Variants in TVP23A observed in about 807,000 individuals in gnomAD.
TVP23A encodes the protein trans-golgi network vesicle protein 23 homolog A.
Under a neutral mutation model 31.7 loss-of-function variants are expected in TVP23A, and 21 were observed. That is an observed-to-expected ratio of 0.66 (90% CI 0.47 to 0.95). The LOEUF is 0.95. TVP23A is among the 40% of genes least tolerant of loss of function. TVP23A has a pLI of 0.00. For missense variants in TVP23A, 279 were observed against 255.6 expected (o/e 1.09, Z -0.62); for synonymous variants, 104 against 96.0 (o/e 1.08, Z -0.49).
rs562449906 is a variant in TVP23A, at chr16:10,785,040, T to C, written c.90-9944A>G. Among the ~76,000 whole-genome samples, 9 of 149,494 alleles carry C rather than the reference T, an allele frequency of 6.0e-5. No homozygotes were observed. In the South Asian group the frequency reaches 1.9e-3, roughly 31 times the overall value. On this transcript the variant is annotated intron_variant, in intron 2 of 7. Coordinates refer to ENST00000299866, the MANE Select transcript of TVP23A (RefSeq NM_001079512.4). ...TGAATCCGGGAGGCGGTGGTTGCAG[T>C]GTGCTGAGATCACAACACTACACTC... is the stretch of plus-strand genomic sequence containing the variant.
At chr16:10,787,290 G>A (rs1378308969) in intron 2 of TVP23A, among the ~76,000 whole-genome samples, 1 of 152,176 alleles carries the variant, frequency 6.6e-6, no homozygotes, top group Admixed American at 6.6e-5. Context: ...ATGAAAAGCA[G>A]CCCCAAAATT....
chr16:10,771,805 TCAGA>T lies in TVP23A; in HGVS notation c.454-11_454-8del. On this transcript the variant is annotated splice_region_variant and splice_polypyrimidine_tract_variant and intron_variant, in intron 5 of 7. Transcript: ENST00000299866. Reference sequence around the variant, plus strand: ...TCCCAGCAACCACCAGAGCCTGCACTCAGACAAAGAAAGCAAAGGTCACTTTTTT... The same window carrying T: ...TCCCAGCAACCACCAGAGCCTGCACTCAAAGAAAGCAAAGGTCACTTTTTT... 1.3e-6 allele frequency: 2 copies of T among 1,563,732 alleles called. No homozygotes were observed. The highest frequency in any genetic ancestry group is 1.7e-6 in the Non-Finnish European group (2 of 1,153,556).
At position 10,777,985 on chromosome 16, in the gene TVP23A, T is replaced by G. The variant is rs982830829; in HGVS notation, c.90-2889A>C. Among the ~76,000 whole-genome samples, 1 of 151,646 alleles carries G rather than the reference T, an allele frequency of 6.6e-6. No homozygotes were observed. The highest frequency in any genetic ancestry group is 2.4e-5 in the African/African-American group (1 of 41,282). ...GAGATCGTACTACTGCACTCCAGCC[T>G]GGTGACAGAGCGAGACTCCGTCTCA... On this transcript the variant is annotated intron_variant, in intron 2 of 7. Coordinates refer to ENST00000299866, the MANE Select transcript of TVP23A (RefSeq NM_001079512.4). The surrounding 1 kb of genome is among the most constrained non-coding windows in gnomAD (Gnocchi z 4.5).
intron 2 of TVP23A, among the ~76,000 whole-genome samples, chr16:10,793,901 C>CAA (rs61392688): frequency 0.021 from 820 of 39,266 alleles, 65 homozygotes; most frequent in Non-Finnish European, 0.025. Context: ...CCTGTCTCAC[C>CAA]AAAAAAAAAA....
intron 2 of TVP23A, among the ~76,000 whole-genome samples, chr16:10,789,976 G>C (rs888152683): frequency 2.6e-5 from 4 of 152,174 alleles, no homozygotes; most frequent in African/African-American, 4.8e-5. Context: ...ACAATTGGTT[G>C]AGTCTAAAGA....
intron 2 of TVP23A, among the ~76,000 whole-genome samples, chr16:10,793,604 ATATT>A (rs1332222078): frequency 6.6e-6 from 1 of 152,232 alleles, no homozygotes. Flanking sequence ...AACAACAGAA[ATATT>A]TATTTGGCTA....
At position 10,769,011 on chromosome 16, in the gene TVP23A, C is replaced by G; in HGVS notation, c.*91G>C. ...ACAGGGCTGTCAAGGGGTAGACAAG[C>G]CATTAGCACTCTATGCCTGTCGTCT... On this transcript the variant is annotated 3_prime_UTR_variant, in exon 8 of 8. Transcript: ENST00000299866. The G allele has an allele frequency of 6.2e-7, 1 of 1,602,010 alleles. No individual in the cohort carries two copies. The highest frequency in any genetic ancestry group is 8.6e-7 in the Non-Finnish European group (1 of 1,169,062).
intron 2 of TVP23A, among the ~76,000 whole-genome samples, chr16:10,813,999 C>CA (rs201277067): frequency 0.23 from 11,154 of 48,798 alleles, 2,517 homozygotes; most frequent in Non-Finnish European, 0.41. Context: ...AACTCCATCT[C>CA]AAAAAAAAAA....
intron 2 of TVP23A, among the ~76,000 whole-genome samples, chr16:10,775,744 C>CTTTTT (rs1004091841): frequency 4.1e-3 from 388 of 94,310 alleles, no homozygotes; most frequent in Non-Finnish European, 5.5e-3. Flanking sequence ...AATTGCTTTT[C>CTTTTT]TTTTTTTTTT....
intron 7 of TVP23A, 81 bp downstream of exon 7, chr16:10,770,184 ACCCAGAC>A: frequency 1.3e-6 from 2 of 1,505,972 alleles, no homozygotes; most frequent in Middle Eastern, 2.3e-4. Context: ...GGGGAAGCCC[ACCCAGAC>A]CCCGGGCCCC....
At chr16:10,770,868 C>CA (rs376701429) in intron 6 of TVP23A, among the ~76,000 whole-genome samples, 3,131 of 66,066 alleles carry the variant, frequency 0.047, 224 homozygotes, top group Non-Finnish European at 0.063. Context: ...ACTCCCATCT[C>CA]AAAAAAAAAA....
intron 2 of TVP23A, among the ~76,000 whole-genome samples, chr16:10,810,993 T>C (rs2034171761): frequency 6.6e-6 from 1 of 152,202 alleles, no homozygotes; most frequent in South Asian, 2.1e-4. Context: ...TTTGTTTCTT[T>C]GGAGATCCAT....
Position 10,766,875 on chromosome 16 carries a change from G to C in TVP23A, c.*2227C>G, listed in dbSNP as rs1248132436. 2.5e-6 allele frequency: 1 copy of C among 398,382 alleles called. No homozygotes were observed. The highest frequency in any genetic ancestry group is 2.1e-5 in the African/African-American group (1 of 48,616). The allele number at this position is 398,382 out of a possible 1,614,324, so 24.7% of individuals were successfully genotyped here. ...ATTTACGGCATACGTCCTATGGAGAGGACATTTCCTGTTATGGCTCAAGTG... is the reference window on the plus strand; with the variant it reads ...ATTTACGGCATACGTCCTATGGAGACGACATTTCCTGTTATGGCTCAAGTG... On this transcript the variant is annotated 3_prime_UTR_variant, in exon 8 of 8. Coordinates refer to ENST00000299866, the MANE Select transcript of TVP23A (RefSeq NM_001079512.4). The surrounding 1 kb of genome is among the most constrained non-coding windows in gnomAD (Gnocchi z 4.8).
chr16:10,762,804 G>A (rs866282191), downstream of TVP23A, among the ~76,000 whole-genome samples: 16 of 149,504 alleles, frequency 1.1e-4, no homozygotes, highest in South Asian at 2.8e-3. Context: ...GAGAGGGTGG[G>A]GGCCGCGTGC....
chr16:10,768,674 G>C lies in TVP23A; in HGVS notation c.*428C>G. ...CAAACCCACGTGCAGGCCACATTCA[G>C]CCAGTGGCAGCCATCAGAGGCCCCA... is the stretch of plus-strand genomic sequence containing the variant. On this transcript the variant is annotated 3_prime_UTR_variant, in exon 8 of 8. Transcript: ENST00000299866. This position sits in a 1 kb window ranked among gnomAD's most constrained non-coding sequence, Gnocchi z 4.3. 1 of 207,942 alleles carries C rather than the reference G, an allele frequency of 4.8e-6. No individual in the cohort carries two copies. The highest frequency in any genetic ancestry group is 1.6e-4 in the South Asian group (1 of 6,174). 12.9% of individuals were successfully genotyped at this position (207,942 alleles called of 1,614,324 possible). A position where few individuals can be genotyped will look rare whatever the true frequency, so the allele number is the denominator to read the frequency against.
chr16:10,789,368 A>C (rs568592668), intron 2 of TVP23A, among the ~76,000 whole-genome samples: 1 of 152,304 alleles, frequency 6.6e-6, no homozygotes, highest in South Asian at 2.1e-4. Context: ...GAAAAGAGTC[A>C]AACTCTCTAA....
At chr16:10,803,558 A>G (rs552570424) in intron 2 of TVP23A, among the ~76,000 whole-genome samples, 15 of 152,248 alleles carry the variant, frequency 9.9e-5, no homozygotes, top group African/African-American at 3.6e-4. Context: ...AAAATATTCA[A>G]CAACTGATAT....
intron 2 of TVP23A, among the ~76,000 whole-genome samples, chr16:10,804,218 C>A (rs889003656): frequency 1.2e-4 from 19 of 152,142 alleles, no homozygotes; most frequent in African/African-American, 4.3e-4. Flanking sequence ...GAGAAAACCA[C>A]GGCATCAGGG....
chr16:10,757,816 T>C, downstream of TVP23A: 22 of 1,553,572 alleles, frequency 1.4e-5, no homozygotes, highest in Middle Eastern at 1.7e-4. This position sits in a 1 kb window ranked among gnomAD's most constrained non-coding sequence, Gnocchi z 4.1. Context: ...AAAGAGGGAG[T>C]TGAAAGTACA....
Sources: allele counts gnomAD v4.1 joint callset (sites outside exome capture counted in the v4.1 genomes callset), GRCh38; gene constraint gnomAD v4.1.1; non-coding constraint Gnocchi (gnomAD v3.1); transcripts MANE v1.5; gene names NCBI Gene and HGNC (gene_info 2026-07-23, HGNC 2026-07-21).